The following PRDM16 variants were observed in gnomAD, a reference collection of about 807,000 sequenced individuals.
The protein encoded by PRDM16 is PR/SET domain 16.
A neutral mutation model predicts 110.6 loss-of-function variants in PRDM16; 23 were observed. The observed-to-expected ratio is 0.21, with a 90% CI of 0.15 to 0.29. PRDM16 has a LOEUF of 0.29. Ranked by LOEUF, PRDM16 falls within the 10% of genes least tolerant of loss-of-function variation. PRDM16 has a pLI of 1.00. For synonymous variants in PRDM16, 799 were observed against 781.8 expected, an observed-to-expected ratio of 1.02 and a Z score of -0.37; for missense variants, 1,615 against 1,794.3, an observed-to-expected ratio of 0.90 and a Z score of 1.81.
chr1:3,364,399 G>A (rs548715218), intron 3 of PRDM16, among the ~76,000 whole-genome samples: 8 of 152,226 alleles, frequency 5.3e-5, no homozygotes, highest in Middle Eastern at 3.4e-3. Context: ...AAAAGTGCCC[G>A]ACAAGGAGCC....
chr1:3,115,128 A>C (rs928334728), intron 1 of PRDM16, among the ~76,000 whole-genome samples: 14 of 152,118 alleles, frequency 9.2e-5, no homozygotes, highest in Non-Finnish European at 1.9e-4. Flanking sequence ...CTCCTCCCAC[A>C]TCATCACATT....
chr1:3,136,111 C>G (rs2100692758), intron 1 of PRDM16, among the ~76,000 whole-genome samples: 1 of 152,248 alleles, frequency 6.6e-6, no homozygotes, highest in East Asian at 1.9e-4. Context: ...AGGAGCCACC[C>G]CTGGGAAGAA....
At position 3,243,775 on chromosome 1, in the gene PRDM16, G is replaced by A. The variant is rs1419709638; in HGVS notation, c.388-312G>A. 2.0e-5 allele frequency among the ~76,000 whole-genome samples: 3 copies of A among 152,230 alleles called. No individual in the cohort carries two copies. Among genetic ancestry groups the A allele is most frequent in the Admixed American group, 6.5e-5 (1 of 15,290 alleles). ...TGAATGGCTCACCTTGAGACGCCTT[G>A]ACCTGGGTCCCCACCCAACCACTAA... On this transcript the variant is annotated intron_variant, in intron 2 of 16. Coordinates refer to ENST00000270722, the MANE Select transcript of PRDM16 (RefSeq NM_022114.4). The surrounding 1 kb of genome is among the most constrained non-coding windows in gnomAD (Gnocchi z 5.5).
intron 3 of PRDM16, among the ~76,000 whole-genome samples, chr1:3,322,586 G>A (rs1436875568): frequency 3.3e-5 from 5 of 151,878 alleles, no homozygotes; most frequent in South Asian, 2.1e-4. Context: ...GTCCCTGCAC[G>A]TCCGGTCTCC....
chr1:3,195,056 G>A (rs565227785), intron 2 of PRDM16, among the ~76,000 whole-genome samples: 51 of 152,358 alleles, frequency 3.3e-4, no homozygotes, highest in Non-Finnish European at 6.3e-4. Context: ...GATGCTCTGA[G>A]GAGTGTTCCC....
intron 2 of PRDM16, among the ~76,000 whole-genome samples, chr1:3,195,195 C>T (rs1025394172): frequency 6.6e-5 from 10 of 152,162 alleles, no homozygotes; most frequent in South Asian, 4.1e-4. Flanking sequence ...CCATGGGCCT[C>T]GGCGTTGCTC....
chr1:3,129,806 C>T (rs1643296140), intron 1 of PRDM16, among the ~76,000 whole-genome samples: 1 of 152,180 alleles, frequency 6.6e-6, no homozygotes, highest in African/African-American at 2.4e-5. Flanking sequence ...TCTCTGCTCC[C>T]AACAGGAGCC....
Position 3,402,867 on chromosome 1 carries a change from C to T in PRDM16, c.753C>T (p.Tyr251=), listed in dbSNP as rs1643496199. ...SKLDLRRHKK[Y]TCGSVGAALY... Reference sequence around the variant, plus strand: ...TGGACCTGCGGCGCCATAAGAAGTACACGTGTGGCTCAGTGGGGGCTGCGC... The same window carrying T: ...TGGACCTGCGGCGCCATAAGAAGTATACGTGTGGCTCAGTGGGGGCTGCGC... The change falls in exon 6 of 17, where the codon TAC becomes TAT. Residue 251 remains tyrosine, a synonymous_variant. Coordinates refer to ENST00000270722, the MANE Select transcript of PRDM16 (RefSeq NM_022114.4). The T allele has an allele frequency of 6.2e-7, 1 of 1,612,996 alleles. No individual in the cohort carries two copies. Among genetic ancestry groups the T allele is most frequent in the East Asian group, 2.2e-5 (1 of 44,892 alleles).
chr1:3,263,088 C>T (rs1237438035), intron 3 of PRDM16, among the ~76,000 whole-genome samples: 2 of 152,128 alleles, frequency 1.3e-5, no homozygotes, highest in Admixed American at 1.3e-4. Context: ...TCAGTGTGTA[C>T]CCCAGGGGCT....
intron 1 of PRDM16, among the ~76,000 whole-genome samples, chr1:3,101,151 A>G (rs1045805576): frequency 6.6e-6 from 1 of 152,138 alleles, no homozygotes; most frequent in Admixed American, 6.5e-5. Flanking sequence ...TCTGGGGAAC[A>G]GAGACTGTGC....
chr1:3,419,797 C>G (rs1333037291), intron 12 of PRDM16, among the ~76,000 whole-genome samples: 1 of 152,072 alleles, frequency 6.6e-6, no homozygotes, highest in Non-Finnish European at 1.5e-5. Context: ...CACTGACCCC[C>G]ACTCTGAGAC....
chr1:3,125,198 G>T (rs895635669), intron 1 of PRDM16, among the ~76,000 whole-genome samples: 6 of 152,262 alleles, frequency 3.9e-5, no homozygotes, highest in African/African-American at 1.4e-4. Context: ...AGAATGCTGG[G>T]CTTCCTCAGC....
chr1:3,194,222 T>C (rs1638396504), intron 2 of PRDM16, among the ~76,000 whole-genome samples: 1 of 152,326 alleles, frequency 6.6e-6, no homozygotes, highest in South Asian at 2.1e-4. Flanking sequence ...GGATGGTTGT[T>C]GAGGGCATTT....
At position 3,293,376 on chromosome 1, in the gene PRDM16, C is replaced by T. The variant is rs565660854; in HGVS notation, c.438+49239C>T. Among the ~76,000 whole-genome samples, 27 of 152,204 alleles carry T rather than the reference C, an allele frequency of 1.8e-4. 1 individual carries two copies. The highest frequency in any genetic ancestry group is 6.3e-3 in the Middle Eastern group (2 of 316). ...GTCAGCACATAACCTTTGAAAACAC[C>T]GTGAATGCCGGCTTTGATGATAATA... On this transcript the variant is annotated intron_variant, in intron 3 of 16. Transcript: ENST00000270722.
Position 3,234,593 on chromosome 1 carries a change from C to G in PRDM16, c.388-9494C>G, listed in dbSNP as rs576423633. ...AAGCCCCATAGTCAGAGAGCCACCC[C>G]GAGCACAGGGCCCCCGCAGGCTGGA... On this transcript the variant is annotated intron_variant, in intron 2 of 16. Coordinates refer to ENST00000270722, the MANE Select transcript of PRDM16 (RefSeq NM_022114.4). 2.6e-4 allele frequency among the ~76,000 whole-genome samples: 40 copies of G among 152,290 alleles called. 1 individual carries two copies. The East Asian group carries it at 7.0e-3, about 27-fold the overall frequency.
At chr1:3,328,540 G>A (rs926953402) in intron 3 of PRDM16, among the ~76,000 whole-genome samples, 1 of 152,148 alleles carries the variant, frequency 6.6e-6, no homozygotes, top group Non-Finnish European at 1.5e-5. Flanking sequence ...CAAAGGGCAC[G>A]GGGCCCTGTG....
chr1:3,073,530 G>A (rs1641817234), intron 1 of PRDM16, among the ~76,000 whole-genome samples: 2 of 152,162 alleles, frequency 1.3e-5, no homozygotes, highest in South Asian at 2.1e-4. Flanking sequence ...GAGCAGCTCC[G>A]GCGACTTCCC....
intron 3 of PRDM16, among the ~76,000 whole-genome samples, chr1:3,324,861 T>C (rs116702094): frequency 0.033 from 5,021 of 152,096 alleles, 295 homozygotes; most frequent in African/African-American, 0.11. Context: ...TCCCTTGTGC[T>C]GATGTGACAC....
chr1:3,372,354 A>G (rs1352064361), intron 3 of PRDM16, among the ~76,000 whole-genome samples: 1 of 152,266 alleles, frequency 6.6e-6, no homozygotes, highest in Admixed American at 6.5e-5. Context: ...GCATCAGCTC[A>G]GCCCATCATG....
Sources: allele counts gnomAD v4.1 joint callset (sites outside exome capture counted in the v4.1 genomes callset), GRCh38; gene constraint gnomAD v4.1.1; non-coding constraint Gnocchi (gnomAD v3.1); transcripts MANE v1.5; gene names NCBI Gene and HGNC (gene_info 2026-07-23, HGNC 2026-07-21).